DLGAP4: variants seen among roughly 807,000 people sequenced by gnomAD.
DLGAP4 encodes the protein disks large-associated protein 4.
In DLGAP4, 18 loss-of-function variants were observed where a neutral mutation model predicts 86.9. The observed-to-expected ratio is 0.21, with a 90% confidence interval of 0.14 to 0.31. The LOEUF is 0.31. Ranked by LOEUF, DLGAP4 falls within the 10% of genes least tolerant of loss-of-function variation. The pLI is 1.00. For missense variants in DLGAP4, 1,085 were observed against 1,362.6 expected (o/e 0.80, Z 3.21); for synonymous variants, 548 against 574.3 (o/e 0.95, Z 0.65).
chr20:36,399,225 A>G (rs2425251), intron 2 of DLGAP4, among the ~76,000 whole-genome samples: 94,259 of 151,938 alleles, frequency 0.62, 29,657 homozygotes, highest in South Asian at 0.82. Context: ...ACAACCAAGA[A>G]AACAAAAACA....
intron 10 of DLGAP4, among the ~76,000 whole-genome samples, chr20:36,502,572 A>C (rs544889071): frequency 4.6e-5 from 7 of 152,084 alleles, no homozygotes; most frequent in African/African-American, 1.7e-4. Context: ...GGCTGGTCTC[A>C]AACTCCTGGG....
At chr20:36,323,246 CT>C (rs1199439655) in intron 1 of DLGAP4, among the ~76,000 whole-genome samples, 1 of 149,600 alleles carries the variant, frequency 6.7e-6, no homozygotes, top group Non-Finnish European at 1.5e-5. Context: ...TCTGTCTTGC[CT>C]TTTCCAATTA....
intron 7 of DLGAP4, among the ~76,000 whole-genome samples, chr20:36,471,502 A>G (rs1037778915): frequency 5.9e-5 from 9 of 151,450 alleles, no homozygotes; most frequent in Non-Finnish European, 1.0e-4. Flanking sequence ...TCAAAAATAA[A>G]TAAATAAATA....
At chr20:36,479,355 G>C (rs1309525364) in intron 7 of DLGAP4, among the ~76,000 whole-genome samples, 1 of 152,126 alleles carries the variant, frequency 6.6e-6, no homozygotes, top group Non-Finnish European at 1.5e-5. Context: ...AGTGTCAACA[G>C]GCATTCACCT....
At chr20:36,414,248 T>A (rs914407020) in intron 2 of DLGAP4, among the ~76,000 whole-genome samples, 1 of 152,118 alleles carries the variant, frequency 6.6e-6, no homozygotes, top group African/African-American at 2.4e-5. Context: ...GTGATCCTGG[T>A]CCATCCAGAC....
rs1298718408 is a variant in DLGAP4 at position 36,445,598 on chromosome 20, TGA to T, written c.1408-1096_1408-1095del. On this transcript the variant is annotated intron_variant, in intron 6 of 12. Coordinates refer to ENST00000339266, the MANE Select transcript of DLGAP4 (RefSeq NM_001365621.2). The stretch of plus-strand genomic sequence containing the variant: ...TTGTTTGACCTGATGCAGTCTCAGA[TGA>T]GAATGCGAGCACCTATTTCATGTAG... Among the ~76,000 whole-genome samples, 9 of 152,318 alleles carry T rather than the reference TGA, an allele frequency of 5.9e-5. No individual in the cohort carries two copies. In the South Asian group the frequency reaches 1.9e-3, roughly 32 times the overall value.
At chr20:36,359,794 C>T (rs1258116666) in intron 1 of DLGAP4, among the ~76,000 whole-genome samples, 1 of 152,190 alleles carries the variant, frequency 6.6e-6, no homozygotes, top group African/African-American at 2.4e-5. Flanking sequence ...CTCCCAGGCC[C>T]TTGCAGCTTG....
At chr20:36,307,680 G>A (rs1446847195) in intron 1 of DLGAP4, among the ~76,000 whole-genome samples, 2 of 152,260 alleles carry the variant, frequency 1.3e-5, no homozygotes, top group African/African-American at 2.4e-5. Context: ...ATGACATAGC[G>A]GGAGGGGGCT....
intron 5 of DLGAP4, among the ~76,000 whole-genome samples, chr20:36,441,795 C>T (rs1260857858): frequency 2.0e-5 from 3 of 152,176 alleles, no homozygotes; most frequent in Non-Finnish European, 4.4e-5. Flanking sequence ...TCCAGCGTGT[C>T]TCCATCTCCA....
At chr20:36,507,155 C>A (rs1200100708) in intron 10 of DLGAP4, among the ~76,000 whole-genome samples, 2 of 152,084 alleles carry the variant, frequency 1.3e-5, no homozygotes, top group Admixed American at 1.3e-4. Flanking sequence ...AATTGCAAGG[C>A]TCTCTGATTA....
chr20:36,460,695 A>G (rs1310521639), intron 7 of DLGAP4, among the ~76,000 whole-genome samples: 6 of 152,158 alleles, frequency 3.9e-5, no homozygotes, highest in African/African-American at 1.4e-4. Context: ...CAGTGAGGAG[A>G]GGGGACTCGC....
intron 2 of DLGAP4, among the ~76,000 whole-genome samples, chr20:36,419,005 G>A (rs948513960): frequency 1.3e-5 from 2 of 152,046 alleles, no homozygotes; most frequent in African/African-American, 2.4e-5. Flanking sequence ...GATCAGGCTC[G>A]GATTCATACC....
chr20:36,526,068 G>T, intron 12 of DLGAP4, 62 bp downstream of exon 12: 1 of 1,610,394 alleles, frequency 6.2e-7, no homozygotes. Context: ...CAATAACGCT[G>T]CCCACATCGG....
intron 12 of DLGAP4, among the ~76,000 whole-genome samples, chr20:36,526,519 G>A (rs1470742278): frequency 1.3e-5 from 2 of 152,072 alleles, no homozygotes; most frequent in African/African-American, 4.8e-5. Context: ...GCTAGTTCCT[G>A]CCCGAGTCTC....
chr20:36,428,409 A>G (rs2033039075), intron 2 of DLGAP4, among the ~76,000 whole-genome samples: 1 of 152,212 alleles, frequency 6.6e-6, no homozygotes. Context: ...AGTTTCCCAG[A>G]GCAGTGAGAG....
chr20:36,503,064 T>A (rs1416229959), intron 10 of DLGAP4, among the ~76,000 whole-genome samples: 2 of 152,206 alleles, frequency 1.3e-5, no homozygotes, highest in African/African-American at 2.4e-5. Context: ...CTCACTTCTA[T>A]TTGTTCTGTT....
chr20:36,482,574 A>G (rs1261734320), intron 7 of DLGAP4, among the ~76,000 whole-genome samples: 1 of 152,094 alleles, frequency 6.6e-6, no homozygotes, highest in African/African-American at 2.4e-5. Flanking sequence ...CGGGCTGCAC[A>G]TGTCAAGTTT....
chr20:36,369,390 C>T (rs1257874027), intron 2 of DLGAP4, among the ~76,000 whole-genome samples: 5 of 152,058 alleles, frequency 3.3e-5, no homozygotes, highest in East Asian at 1.9e-4. Context: ...GTCAGGAGTT[C>T]GAGACCACCC....
chr20:36,320,641 G>A (rs577731343), intron 1 of DLGAP4, among the ~76,000 whole-genome samples: 27 of 152,274 alleles, frequency 1.8e-4, no homozygotes, highest in Admixed American at 5.9e-4. Context: ...TCAGGGCTGG[G>A]GGAGGCAGGG....
Sources: allele counts gnomAD v4.1 joint callset (sites outside exome capture counted in the v4.1 genomes callset), GRCh38; gene constraint gnomAD v4.1.1; transcripts MANE v1.5; gene names NCBI Gene and HGNC (gene_info 2026-07-23, HGNC 2026-07-21).